CTNNA2: variants seen among roughly 807,000 people sequenced by gnomAD.
CTNNA2 encodes catenin alpha-2.
In CTNNA2, 42 loss-of-function variants were observed where a neutral mutation model predicts 101.0. The observed-to-expected ratio is 0.42, with a 90% CI of 0.32 to 0.54. The LOEUF (loss-of-function observed/expected upper bound fraction) is 0.54, where lower values mean the gene tolerates loss of function less well. CTNNA2 is among the 20% of genes least tolerant of loss of function. The pLI is 0.14. For missense variants in CTNNA2, 871 were observed against 1,223.1 expected, an observed-to-expected ratio of 0.71 and a Z score of 4.29; for synonymous variants, 450 against 456.4, an observed-to-expected ratio of 0.99 and a Z score of 0.18.
chr2:79,310,064 C>G (rs1676332317), intron 2 of CTNNA2, among the ~76,000 whole-genome samples: 2 of 152,048 alleles, frequency 1.3e-5, no homozygotes, highest in South Asian at 4.1e-4. Flanking sequence ...TGGTATTTTA[C>G]TTTTCATCAT....
chr2:80,164,631 T>G lies in CTNNA2; in HGVS notation c.1057-228580T>G, dbSNP rs577233083. On this transcript the variant is annotated intron_variant, in intron 7 of 18. Coordinates refer to ENST00000402739, the MANE Select transcript of CTNNA2 (RefSeq NM_001282597.3). ...ATATTTTTCTTTTTTCTTTATATTC[T>G]AGCCTTCCCCCAACCCCTCCCCCTT... Among the ~76,000 whole-genome samples the G allele has an allele frequency of 4.6e-5, 7 of 151,992 alleles. No homozygotes were observed. In the East Asian group the frequency reaches 1.4e-3, roughly 29 times the overall value.
In CTNNA2 at chr2:80,024,081, C is replaced by T. The variant is rs1322826225; in HGVS notation, c.1056+114284C>T. Among the ~76,000 whole-genome samples the T allele has an allele frequency of 5.1e-5, 7 of 136,362 alleles. No homozygotes were observed. In the South Asian group the frequency reaches 7.1e-4, roughly 14 times the overall value. The allele number at this position is 136,362 out of a possible 152,430, so 89.5% of individuals were successfully genotyped here. On this transcript the variant is annotated intron_variant, in intron 7 of 18. Coordinates refer to ENST00000402739, the MANE Select transcript of CTNNA2 (RefSeq NM_001282597.3). The stretch of plus-strand genomic sequence containing the variant: ...CAGCCTGGGCGACAGAGCGAGACTC[C>T]GTCTCAGAAAAAAAAAAAAAAAAAA...
chr2:80,618,606 C>CATGT (rs1385331312), intron 17 of CTNNA2: 1 of 152,010 alleles, frequency 6.6e-6, no homozygotes, highest in Non-Finnish European at 1.5e-5. Flanking sequence ...AGTAGAGGAC[C>CATGT]ATGTACAGAG....
chr2:79,417,054 A>G (rs909813564), intron 4 of CTNNA2, among the ~76,000 whole-genome samples: 4 of 152,142 alleles, frequency 2.6e-5, no homozygotes, highest in African/African-American at 9.7e-5. Context: ...CTCTATCACC[A>G]GAAAATGTAT....
chr2:80,424,070 C>T (rs1296403039), intron 9 of CTNNA2, among the ~76,000 whole-genome samples: 1 of 152,118 alleles, frequency 6.6e-6, no homozygotes, highest in Non-Finnish European at 1.5e-5. Context: ...ATTCTCCTGC[C>T]TCAGCCTCCC....
intron 14 of CTNNA2, among the ~76,000 whole-genome samples, chr2:80,587,750 C>T (rs1049832557): frequency 2.6e-5 from 4 of 152,146 alleles, no homozygotes; most frequent in African/African-American, 9.7e-5. Context: ...ACTGCAGTCC[C>T]CCAAACTGTA....
intron 3 of CTNNA2, among the ~76,000 whole-genome samples, chr2:79,353,090 C>T (rs146202164): frequency 2.0e-5 from 3 of 152,292 alleles, no homozygotes; most frequent in Non-Finnish European, 2.9e-5. Context: ...CCAGGACCCA[C>T]GTCCAACACT....
In CTNNA2 at chr2:79,812,799, C is replaced by G. The variant is rs74549293; in HGVS notation, c.299-45214C>G. On this transcript the variant is annotated intron_variant, in intron 3 of 18. Transcript: ENST00000402739. ...GAGAGACCTGCTGGGTGATAGACCT[C>G]AGCTGTAAGCCCTCCCCAAGAGTTA... is the stretch of plus-strand genomic sequence containing the variant. Among the ~76,000 whole-genome samples the G allele has an allele frequency of 1.1e-3, 160 of 152,256 alleles. 4 individuals carry two copies. The East Asian group carries it at 0.026, about 25-fold the overall frequency.
At chr2:79,947,652 G>A (rs1688592352) in intron 7 of CTNNA2, among the ~76,000 whole-genome samples, 1 of 152,104 alleles carries the variant, frequency 6.6e-6, no homozygotes, top group Non-Finnish European at 1.5e-5. Flanking sequence ...ACTTGTCATG[G>A]TATTGTTATT....
At chr2:80,155,027 A>G (rs187575086) in intron 7 of CTNNA2, among the ~76,000 whole-genome samples, 4 of 148,028 alleles carry the variant, frequency 2.7e-5, no homozygotes, top group Admixed American at 2.7e-4. Flanking sequence ...AAAACAAAAG[A>G]ACGACTCTGT....
At chr2:80,478,353 A>G (rs1685888870) in intron 9 of CTNNA2, among the ~76,000 whole-genome samples, 1 of 151,884 alleles carries the variant, frequency 6.6e-6, no homozygotes, top group Non-Finnish European at 1.5e-5. Flanking sequence ...TGGTCTTTTT[A>G]TCTGTTGATT....
chr2:79,864,750 T>C (rs1053339373), intron 4 of CTNNA2, among the ~76,000 whole-genome samples: 10 of 152,168 alleles, frequency 6.6e-5, no homozygotes, highest in African/African-American at 2.4e-4. Context: ...GAAAAATCAA[T>C]GCAGCATAGC....
intron 12 of CTNNA2, among the ~76,000 whole-genome samples, chr2:80,566,383 C>T (rs970608965): frequency 9.2e-5 from 14 of 152,084 alleles, no homozygotes; most frequent in African/African-American, 3.1e-4. Flanking sequence ...GGCATGAATA[C>T]CAGGAGAAGA....
intron 7 of CTNNA2, among the ~76,000 whole-genome samples, chr2:79,923,913 CA>C (rs1020733071): frequency 5.3e-5 from 8 of 151,976 alleles, no homozygotes; most frequent in Non-Finnish European, 1.2e-4. Context: ...GAAAGTTCTA[CA>C]AAAAACTAAA....
At chr2:80,185,951 A>G (rs1211752011) in intron 7 of CTNNA2, among the ~76,000 whole-genome samples, 2 of 152,240 alleles carry the variant, frequency 1.3e-5, no homozygotes, top group Admixed American at 6.5e-5. Context: ...TAAGTAAAAA[A>G]GAGTGTAAGA....
intron 2 of CTNNA2, among the ~76,000 whole-genome samples, chr2:79,308,084 G>A (rs578251510): frequency 7.2e-5 from 11 of 152,176 alleles, no homozygotes; most frequent in African/African-American, 1.4e-4. Context: ...TGCTCTTGTT[G>A]CCCAGGCTGC....
intron 7 of CTNNA2, among the ~76,000 whole-genome samples, chr2:80,095,321 G>A (rs199868346): frequency 0.11 from 17,347 of 151,990 alleles, 1,047 homozygotes; most frequent in South Asian, 0.3. Context: ...ATTTGCATAT[G>A]TTGAACCAGC....
chr2:80,589,563 C>G, intron 15 of CTNNA2, 78 bp downstream of exon 15: 1 of 1,391,474 alleles, frequency 7.2e-7, no homozygotes, highest in South Asian at 1.5e-5. Flanking sequence ...CATGTGAAAG[C>G]CTGCTGAAAA....
chr2:80,555,336 A>T (rs1321741130), intron 11 of CTNNA2, among the ~76,000 whole-genome samples: 1 of 152,190 alleles, frequency 6.6e-6, no homozygotes, highest in Non-Finnish European at 1.5e-5. Context: ...AAACAAAGGA[A>T]GGGATATTCT....
Sources: gnomAD v4.1 joint callset for allele counts (sites outside exome capture counted in the v4.1 genomes callset) on GRCh38, gnomAD v4.1.1 for gene constraint, MANE v1.5 for transcripts, NCBI Gene and HGNC (gene_info 2026-07-23, HGNC 2026-07-21) for gene names.